Variants in CNTNAP5 observed in about 807,000 individuals in gnomAD.
CNTNAP5 encodes contactin-associated protein-like 5.
Under a neutral mutation model 150.2 loss-of-function variants are expected in CNTNAP5, and 72 were observed. That is an observed-to-expected ratio of 0.48 (90% confidence interval 0.40 to 0.58). The LOEUF is 0.58. CNTNAP5 is among the 20% of genes least tolerant of loss of function. The pLI, the probability that CNTNAP5 is intolerant of heterozygous loss-of-function variation, is 0.00. For synonymous variants in CNTNAP5, 672 were observed against 619.8 expected (o/e 1.08, Z -1.25); for missense variants, 1,636 against 1,626.2 (o/e 1.01, Z -0.10).
At chr2:124,876,717 T>C (rs895136613) in intron 21 of CNTNAP5, among the ~76,000 whole-genome samples, 1 of 152,112 alleles carries the variant, frequency 6.6e-6, no homozygotes, top group African/African-American at 2.4e-5. Flanking sequence ...TTGTTTATGG[T>C]CATACATAGT....
intron 1 of CNTNAP5, among the ~76,000 whole-genome samples, chr2:124,154,517 A>G (rs1037463047): frequency 6.6e-6 from 1 of 152,150 alleles, no homozygotes; most frequent in Non-Finnish European, 1.5e-5. Flanking sequence ...GTTCTTGGGT[A>G]GAGGGATGCA....
chr2:124,336,156 TGG>T, intron 3 of CNTNAP5, among the ~76,000 whole-genome samples: 1 of 152,066 alleles, frequency 6.6e-6, no homozygotes, highest in Non-Finnish European at 1.5e-5. Context: ...GGAAATGAAA[TGG>T]GACCATAGTA....
At chr2:124,047,100 A>G (rs891963181) in intron 1 of CNTNAP5, among the ~76,000 whole-genome samples, 2 of 152,334 alleles carry the variant, frequency 1.3e-5, no homozygotes, top group African/African-American at 4.8e-5. Context: ...AAGACAAGTG[A>G]TGAGGATGGC....
At chr2:124,155,592 A>C (rs1684508771) in intron 1 of CNTNAP5, among the ~76,000 whole-genome samples, 2 of 152,196 alleles carry the variant, frequency 1.3e-5, no homozygotes, top group Admixed American at 6.5e-5. Flanking sequence ...TCCATCTCCC[A>C]AAATTTGTTT....
intron 19 of CNTNAP5, among the ~76,000 whole-genome samples, chr2:124,844,496 C>T (rs1444544289): frequency 6.6e-6 from 1 of 151,846 alleles, no homozygotes; most frequent in Non-Finnish European, 1.5e-5. Flanking sequence ...CCTATGTGGG[C>T]TATTTTTTGG....
In CNTNAP5 at chr2:124,458,271, A is replaced by G. The variant is rs1017639158; in HGVS notation, c.918+11334A>G. ...ATAAAATATATATTACATATACAAT[A>G]TAATATATATAATGTAATATTTTAT... On this transcript the variant is annotated intron_variant, in intron 6 of 23. Coordinates refer to ENST00000682447, the MANE Select transcript of CNTNAP5 (RefSeq NM_001367498.1). Among the ~76,000 whole-genome samples the G allele has an allele frequency of 1.2e-3, 148 of 124,040 alleles. 1 individual carries two copies. The highest frequency in any genetic ancestry group is 4.4e-3 in the African/African-American group (145 of 32,994). 81.4% of individuals were successfully genotyped at this position (124,040 alleles called of 152,430 possible).
At chr2:124,707,370 T>C (rs1191894887) in intron 13 of CNTNAP5, among the ~76,000 whole-genome samples, 1 of 152,142 alleles carries the variant, frequency 6.6e-6, no homozygotes, top group Non-Finnish European at 1.5e-5. Flanking sequence ...GTTTTTTGTT[T>C]GTTTATTTGT....
intron 13 of CNTNAP5, among the ~76,000 whole-genome samples, chr2:124,690,072 C>A (rs1263241072): frequency 6.6e-6 from 1 of 151,726 alleles, no homozygotes; most frequent in African/African-American, 2.4e-5. Flanking sequence ...TGAGAAGAAA[C>A]AAGGGATGCT....
chr2:124,225,797 C>T (rs901681170), intron 2 of CNTNAP5, among the ~76,000 whole-genome samples: 3 of 152,240 alleles, frequency 2.0e-5, no homozygotes, highest in African/African-American at 4.8e-5. Flanking sequence ...CCCAGTCCCT[C>T]GCAACCACTG....
intron 13 of CNTNAP5, among the ~76,000 whole-genome samples, chr2:124,729,538 G>A (rs1418874050): frequency 6.6e-6 from 1 of 151,960 alleles, no homozygotes; most frequent in Non-Finnish European, 1.5e-5. Flanking sequence ...CGCTAATTTT[G>A]TTTTACATTT....
intron 16 of CNTNAP5, among the ~76,000 whole-genome samples, chr2:124,768,507 A>G (rs1223882793): frequency 1.3e-5 from 2 of 152,134 alleles, no homozygotes; most frequent in Non-Finnish European, 1.5e-5. Context: ...TGAATTGTTG[A>G]GCAATTATTC....
intron 3 of CNTNAP5, among the ~76,000 whole-genome samples, chr2:124,349,172 G>A (rs1234191089): frequency 2.9e-5 from 2 of 68,706 alleles, no homozygotes; most frequent in African/African-American, 1.9e-4. Flanking sequence ...GAACATCATA[G>A]AGTGTACTTT....
At chr2:124,759,352 A>G (rs1680906919) in intron 14 of CNTNAP5, among the ~76,000 whole-genome samples, 1 of 147,228 alleles carries the variant, frequency 6.8e-6, no homozygotes, top group Non-Finnish European at 1.5e-5. Flanking sequence ...TATACATTAT[A>G]TATATATTCA....
chr2:124,607,014 G>A (rs567076712), intron 11 of CNTNAP5, among the ~76,000 whole-genome samples: 5 of 152,156 alleles, frequency 3.3e-5, no homozygotes, highest in Non-Finnish European at 7.4e-5. Context: ...CACTTTCTAT[G>A]TGCCATATGT....
At chr2:124,111,529 A>G (rs926164346) in intron 1 of CNTNAP5, among the ~76,000 whole-genome samples, 1 of 152,110 alleles carries the variant, frequency 6.6e-6, no homozygotes, top group Admixed American at 6.5e-5. Flanking sequence ...AAAATTATTG[A>G]TCTCTCCTCA....
At chr2:124,867,264 C>A (rs1677652851) in intron 20 of CNTNAP5, among the ~76,000 whole-genome samples, 2 of 152,166 alleles carry the variant, frequency 1.3e-5, no homozygotes, top group African/African-American at 4.8e-5. Flanking sequence ...AGAGAGGAAA[C>A]CTTTCTCTTA....
At chr2:124,368,942 T>C (rs1468266584) in intron 3 of CNTNAP5, among the ~76,000 whole-genome samples, 3 of 152,190 alleles carry the variant, frequency 2.0e-5, no homozygotes, top group Non-Finnish European at 4.4e-5. Flanking sequence ...TGAATACCCA[T>C]TTTATCTTTT....
intron 7 of CNTNAP5, among the ~76,000 whole-genome samples, chr2:124,486,340 C>T (rs1249977942): frequency 1.3e-5 from 2 of 152,144 alleles, no homozygotes; most frequent in African/African-American, 2.4e-5. Flanking sequence ...AGACTACAAA[C>T]TGTGTGCAGT....
At chr2:124,476,563 C>T (rs1693645464) in intron 7 of CNTNAP5, among the ~76,000 whole-genome samples, 1 of 152,106 alleles carries the variant, frequency 6.6e-6, no homozygotes, top group African/African-American at 2.4e-5. Context: ...CTCATGATAG[C>T]TCAGTAGCGG....
Sources: allele counts gnomAD v4.1 joint callset (sites outside exome capture counted in the v4.1 genomes callset), GRCh38; gene constraint gnomAD v4.1.1; transcripts MANE v1.5; gene names NCBI Gene and HGNC (gene_info 2026-07-23, HGNC 2026-07-21).